APC: variants seen among roughly 807,000 people sequenced by gnomAD.
The protein encoded by APC is adenomatous polyposis coli protein.
A neutral mutation model predicts 247.0 loss-of-function variants in APC; 72 were observed. That is an observed-to-expected ratio of 0.29 (90% confidence interval 0.24 to 0.35). The LOEUF is 0.35. Ranked by LOEUF, APC falls within the 10% of genes least tolerant of loss-of-function variation. The pLI, the probability that APC is intolerant of heterozygous loss-of-function variation, is 1.00. For synonymous variants in APC, 1,254 were observed against 1,162.5 expected, an observed-to-expected ratio of 1.08 and a Z score of -1.60; for missense variants, 3,400 against 3,360.7, an observed-to-expected ratio of 1.01 and a Z score of -0.29.
intron 4 of APC, among the ~76,000 whole-genome samples, chr5:112,769,328 G>A (rs1307149206): frequency 6.6e-6 from 1 of 152,036 alleles, no homozygotes; most frequent in East Asian, 1.9e-4. Context: ...TGGGATTACA[G>A]GCATGAGCCA....
chr5:112,755,755 C>G (rs1754902045), intron 2 of APC, among the ~76,000 whole-genome samples: 3 of 152,302 alleles, frequency 2.0e-5, no homozygotes, highest in South Asian at 4.1e-4. Context: ...TTAATTCCCA[C>G]TTAGGCAGAT....
At chr5:112,744,585 A>G (rs1043496180) in intron 1 of APC, among the ~76,000 whole-genome samples, 1 of 152,222 alleles carries the variant, frequency 6.6e-6, no homozygotes, top group African/African-American at 2.4e-5. Flanking sequence ...TAGAGACATC[A>G]GGAAGGTTTT....
chr5:112,707,785 G>A lies in APC; in HGVS notation c.68G>A (p.Gly23Glu), dbSNP rs2149630826. Residue 23 changes from glycine to glutamate, a missense_variant, in exon 1 of 14, where the codon GGG (glycine) becomes GAG (glutamate). Coordinates refer to the APC transcript ENST00000507379. ...GCTTCTGTACCACCCTCAGTTCTCGGGTCCTGGAGCACCGGCGGCAGCAGG... is the reference window on the plus strand; with the variant it reads ...GCTTCTGTACCACCCTCAGTTCTCGAGTCCTGGAGCACCGGCGGCAGCAGG... 1 of 1,370,646 alleles carries A rather than the reference G, an allele frequency of 7.3e-7. No individual in the cohort carries two copies. Among genetic ancestry groups the A allele is most frequent in the Non-Finnish European group, 9.6e-7 (1 of 1,038,806 alleles). 84.9% of individuals were successfully genotyped at this position (1,370,646 alleles called of 1,614,324 possible). A position where few individuals can be genotyped will look rare whatever the true frequency, so the allele number is the denominator to read the frequency against.
intron 15 of APC, 105 bp from the exon 16 acceptor site, chr5:112,837,448 A>G (rs1765055245): frequency 1.3e-6 from 1 of 786,620 alleles, no homozygotes; most frequent in Non-Finnish European, 2.1e-6. Context: ...AATTTATAGG[A>G]TAATTGGTAC....
intron 1 of APC, among the ~76,000 whole-genome samples, chr5:112,723,850 C>G (rs1751620617): frequency 2.6e-5 from 4 of 152,198 alleles, no homozygotes; most frequent in Non-Finnish European, 5.9e-5. Flanking sequence ...ACTGCCCCCA[C>G]TGCTACTCTT....
rs193261536 is a variant in APC at position 112,712,909 on chromosome 5, G to A, written c.165+5027G>A. Reference sequence around the variant, plus strand: ...TCTCGGGCTAGGCGCTGTGGCTCACGCCTGTAATCCCAGCACTTGGGGAGG... The same window carrying A: ...TCTCGGGCTAGGCGCTGTGGCTCACACCTGTAATCCCAGCACTTGGGGAGG... On this transcript the variant is annotated intron_variant, in intron 1 of 13. Transcript: ENST00000507379. 4.8e-4 allele frequency among the ~76,000 whole-genome samples: 73 copies of A among 152,220 alleles called. 2 individuals carry two copies. In the East Asian group the frequency reaches 9.3e-3, roughly 19 times the overall value.
At chr5:112,742,090 G>T (rs1332514709) in intron 1 of APC, among the ~76,000 whole-genome samples, 1 of 152,128 alleles carries the variant, frequency 6.6e-6, no homozygotes, top group Non-Finnish European at 1.5e-5. Context: ...ACGTGGGTGT[G>T]CAAGTGTCTG....
chr5:112,720,242 A>G (rs1329362784), intron 1 of APC, among the ~76,000 whole-genome samples: 2 of 152,254 alleles, frequency 1.3e-5, no homozygotes, highest in Non-Finnish European at 2.9e-5. Context: ...GTCTATAAAG[A>G]ACAAAACCAG....
At chr5:112,794,904 A>G (rs1385541845) in intron 7 of APC, among the ~76,000 whole-genome samples, 2 of 152,232 alleles carry the variant, frequency 1.3e-5, no homozygotes, top group African/African-American at 4.8e-5. Context: ...AAGAATGGCC[A>G]AATGAAGAGA....
chr5:112,812,134 C>A (rs1056702633), intron 8 of APC, among the ~76,000 whole-genome samples: 5 of 152,168 alleles, frequency 3.3e-5, no homozygotes, highest in African/African-American at 1.2e-4. Context: ...TGCTTCTCAT[C>A]ACCTCTATAG....
intron 1 of APC, among the ~76,000 whole-genome samples, chr5:112,717,255 C>T (rs1236510110): frequency 6.6e-6 from 1 of 152,164 alleles, no homozygotes. Context: ...TCCCAGAATG[C>T]TGGGATTACA....
chr5:112,772,690 T>C (rs1757191372), intron 4 of APC, among the ~76,000 whole-genome samples: 1 of 152,084 alleles, frequency 6.6e-6, no homozygotes, highest in Admixed American at 6.6e-5. Context: ...CTAATTTCTG[T>C]ATTTTTAGTA....
intron 8 of APC, chr5:112,810,201 A>G (rs1761851257): frequency 6.6e-6 from 3 of 454,152 alleles, no homozygotes; most frequent in Non-Finnish European, 1.3e-5. Flanking sequence ...CCTAAGATCA[A>G]AGAGAAATGG....
chr5:112,715,753 G>C (rs887860707), intron 1 of APC, among the ~76,000 whole-genome samples: 2 of 152,112 alleles, frequency 1.3e-5, no homozygotes, highest in African/African-American at 4.8e-5. Flanking sequence ...TAGAGTACCT[G>C]TCATCTTGAG....
upstream of APC, among the ~76,000 whole-genome samples, chr5:112,736,133 G>T (rs1160057013): frequency 6.6e-6 from 1 of 152,186 alleles, no homozygotes; most frequent in African/African-American, 2.4e-5. Flanking sequence ...TTGTAAATAA[G>T]TCCTGTGCAG....
At chr5:112,749,174 TTACTG>T (rs1421052069) in intron 1 of APC, among the ~76,000 whole-genome samples, 1 of 152,240 alleles carries the variant, frequency 6.6e-6, no homozygotes, top group Non-Finnish European at 1.5e-5. Context: ...TGTAGTTTCT[TTACTG>T]TATGTTATTG....
chr5:112,760,247 G>A (rs568690947), intron 2 of APC, among the ~76,000 whole-genome samples: 40 of 152,240 alleles, frequency 2.6e-4, no homozygotes, highest in African/African-American at 8.2e-4. Flanking sequence ...ACAAACATGA[G>A]GGCAGATGTA....
chr5:112,760,426 CA>C (rs1755524019), intron 2 of APC, among the ~76,000 whole-genome samples: 1 of 152,148 alleles, frequency 6.6e-6, no homozygotes, highest in African/African-American at 2.4e-5. Flanking sequence ...CAGGTCTCCT[CA>C]AGTCATTTGC....
intron 2 of APC, among the ~76,000 whole-genome samples, chr5:112,759,359 T>TC (rs202094187): frequency 7.0e-5 from 10 of 142,640 alleles, no homozygotes; most frequent in Admixed American, 2.7e-4. Context: ...TTTCTTTCTT[T>TC]TTTTTTTTTT....
Sources: gnomAD v4.1 joint callset for allele counts (sites outside exome capture counted in the v4.1 genomes callset) on GRCh38, gnomAD v4.1.1 for gene constraint, MANE v1.5 for transcripts, NCBI Gene and HGNC (gene_info 2026-07-23, HGNC 2026-07-21) for gene names.